The following KLF8 variants were observed in gnomAD, a reference collection of about 807,000 sequenced individuals.
The protein encoded by KLF8 is KLF transcription factor 8, also known as Krueppel-like factor 8.
In KLF8, 10 loss-of-function variants were observed where a neutral mutation model predicts 18.2. The ratio of observed to expected loss-of-function variants is 0.55; its 90% CI spans 0.34 to 0.93. The LOEUF is 0.93. Ranked by LOEUF, KLF8 falls within the 40% of genes least tolerant of loss-of-function variation. KLF8 has a pLI of 0.02. For missense variants in KLF8, 264 were observed against 277.9 expected, an observed-to-expected ratio of 0.95 and a Z score of 0.36; for synonymous variants, 109 against 97.3, an observed-to-expected ratio of 1.12 and a Z score of -0.71.
the KLF8 span, among the ~76,000 whole-genome samples, chrX:56,011,144 C>T: frequency 8.9e-6 from 1 of 112,309 alleles, no homozygotes; most frequent in Admixed American, 9.4e-5. Flanking sequence ...ACAGAACTCT[C>T]TACCCAAAAA....
the KLF8 span, among the ~76,000 whole-genome samples, chrX:56,052,222 C>G: frequency 9.0e-6 from 1 of 111,174 alleles, no homozygotes; most frequent in Non-Finnish European, 1.9e-5. Flanking sequence ...GAATGTCCTC[C>G]CATAGCTCAG....
the KLF8 span, among the ~76,000 whole-genome samples, chrX:55,987,538 T>C: frequency 3.6e-5 from 4 of 112,020 alleles, no homozygotes; most frequent in African/African-American, 1.3e-4. Flanking sequence ...ACTCATCATT[T>C]TTTATGGCTG....
the KLF8 span, among the ~76,000 whole-genome samples, chrX:56,049,401 G>A: frequency 6.0e-4 from 67 of 111,020 alleles, no homozygotes; most frequent in Admixed American, 1.1e-3. Context: ...TTGGCTGTGG[G>A]TTTGTCATAG....
chrX:55,993,136 T>C, the KLF8 span, among the ~76,000 whole-genome samples: 5 of 111,499 alleles, frequency 4.5e-5, no homozygotes, highest in African/African-American at 1.6e-4. Flanking sequence ...CAGTACTATG[T>C]TGAATAGGAG....
the KLF8 span, among the ~76,000 whole-genome samples, chrX:56,089,678 C>T: frequency 5.4e-5 from 6 of 112,000 alleles, no homozygotes; most frequent in East Asian, 1.7e-3. Flanking sequence ...AGAGTGGATG[C>T]CTGAGAGTGG....
the KLF8 span, among the ~76,000 whole-genome samples, chrX:56,033,026 A>G: frequency 8.9e-6 from 1 of 111,964 alleles, no homozygotes; most frequent in Non-Finnish European, 1.9e-5. Context: ...ACATTAACAA[A>G]TAATAATTCT....
the KLF8 span, among the ~76,000 whole-genome samples, chrX:55,956,693 A>G: frequency 4.5e-5 from 5 of 111,961 alleles, no homozygotes; most frequent in African/African-American, 1.6e-4. Flanking sequence ...CTTATTAGTC[A>G]TTTGTTTATC....
the KLF8 span, among the ~76,000 whole-genome samples, chrX:55,949,194 T>G: frequency 9.0e-6 from 1 of 111,595 alleles, no homozygotes; most frequent in Admixed American, 9.6e-5. Context: ...TGTTAGTATA[T>G]TTTATTGATG....
chrX:55,918,642 G>A, the KLF8 span, among the ~76,000 whole-genome samples: 3 of 112,016 alleles, frequency 2.7e-5, no homozygotes, highest in Non-Finnish European at 5.6e-5. Flanking sequence ...GTCTCTTTCA[G>A]CTTCTGGTAA....
At chrX:55,952,080 G>C in the KLF8 span, among the ~76,000 whole-genome samples, 1 of 111,757 alleles carries the variant, frequency 8.9e-6, no homozygotes, top group South Asian at 3.7e-4. Flanking sequence ...TTCTTGGAGG[G>C]AAAAATACTT....
chrX:55,945,641 C>G, the KLF8 span, among the ~76,000 whole-genome samples: 1 of 110,760 alleles, frequency 9.0e-6, no homozygotes, highest in Non-Finnish European at 1.9e-5. Flanking sequence ...CTGGCCAGGA[C>G]AATTAGGCAG....
the KLF8 span, among the ~76,000 whole-genome samples, chrX:55,924,108 C>T: frequency 7.2e-5 from 8 of 111,516 alleles, no homozygotes; most frequent in Admixed American, 9.5e-5. Flanking sequence ...CTCGCTCTGT[C>T]GCCCAGGCTG....
the KLF8 span, among the ~76,000 whole-genome samples, chrX:56,092,171 T>C: frequency 9.0e-6 from 1 of 111,231 alleles, no homozygotes; most frequent in East Asian, 2.8e-4. Flanking sequence ...ATAGGGTTAT[T>C]TGTTTTATTC....
chrX:55,943,293 T>C, the KLF8 span, among the ~76,000 whole-genome samples: 451 of 110,149 alleles, frequency 4.1e-3, 1 homozygote, highest in South Asian at 0.023. Context: ...AATAAAAATT[T>C]GGGAATCATT....
the KLF8 span, chrX:55,961,242 G>T: frequency 3.2e-6 from 1 of 315,869 alleles, no homozygotes; most frequent in Non-Finnish European, 5.8e-6. Context: ...GTCCTCTCCA[G>T]GATCCCCACT....
chrX:56,091,361 C>G, the KLF8 span, among the ~76,000 whole-genome samples: 58,495 of 110,180 alleles, frequency 0.53, 13,718 homozygotes, highest in Non-Finnish European at 0.73. Flanking sequence ...TGAGGCCTCC[C>G]CAGCCGTGTG....
chrX:56,236,966 T>TAC (rs1438957492), intron 1 of KLF8, among the ~76,000 whole-genome samples: 1 of 105,038 alleles, frequency 9.5e-6, no homozygotes, highest in Non-Finnish European at 1.9e-5. Flanking sequence ...TAGATGGATA[T>TAC]ATATATATAT....
chrX:56,211,903 C>T, the KLF8 span, among the ~76,000 whole-genome samples: 1 of 110,656 alleles, frequency 9.0e-6, no homozygotes, highest in South Asian at 3.9e-4. Context: ...GAGGCCACCA[C>T]AGCTGGTAAT....
At chrX:56,139,862 A>G in the KLF8 span, among the ~76,000 whole-genome samples, 2 of 111,678 alleles carry the variant, frequency 1.8e-5, no homozygotes, top group Non-Finnish European at 3.8e-5. Context: ...GGGAGAATAC[A>G]TTTGCAAATT....
Sources: allele counts gnomAD v4.1 joint callset (sites outside exome capture counted in the v4.1 genomes callset), GRCh38; gene constraint gnomAD v4.1.1; transcripts MANE v1.5; gene names NCBI Gene and HGNC (gene_info 2026-07-23, HGNC 2026-07-21).